PACRG: variants seen among roughly 807,000 people sequenced by gnomAD.
PACRG encodes parkin coregulated gene protein.
PACRG carries 29 observed loss-of-function variants against 29.7 expected under a neutral mutation model. The observed-to-expected ratio is 0.98, with a 90% CI of 0.73 to 1.33. PACRG has a LOEUF of 1.33. Ranked by LOEUF, PACRG falls within the 40% of genes most tolerant of loss-of-function variation. The pLI is 0.00. For synonymous variants in PACRG, 116 were observed against 118.7 expected, an observed-to-expected ratio of 0.98 and a Z score of 0.15; for missense variants, 279 against 316.2, an observed-to-expected ratio of 0.88 and a Z score of 0.89.
At chr6:162,740,090 TTGTC>T (rs1562548316) in intron 1 of PACRG, among the ~76,000 whole-genome samples, 1 of 152,160 alleles carries the variant, frequency 6.6e-6, no homozygotes, top group East Asian at 1.9e-4. Context: ...ATTAGTCTCT[TTGTC>T]TGTCTCTGAA....
chr6:163,046,925 G>A (rs1490318591), intron 2 of PACRG, among the ~76,000 whole-genome samples: 1 of 152,172 alleles, frequency 6.6e-6, no homozygotes, highest in South Asian at 2.1e-4. Flanking sequence ...TAGCAAAATT[G>A]TATGCTGATG....
At chr6:162,749,208 A>T (rs1364025464) in intron 1 of PACRG, among the ~76,000 whole-genome samples, 3 of 152,200 alleles carry the variant, frequency 2.0e-5, no homozygotes, top group Non-Finnish European at 4.4e-5. Context: ...GATTGTTAAA[A>T]ACAAGTACAT....
chr6:162,906,178 A>T (rs903998968), intron 2 of PACRG, among the ~76,000 whole-genome samples: 2 of 152,232 alleles, frequency 1.3e-5, no homozygotes, highest in African/African-American at 4.8e-5. Flanking sequence ...TGTTCCAAAA[A>T]AAGGAATTAA....
intron 2 of PACRG, among the ~76,000 whole-genome samples, chr6:162,874,858 C>T (rs1286088234): frequency 6.6e-6 from 1 of 151,956 alleles, no homozygotes; most frequent in Non-Finnish European, 1.5e-5. Context: ...ATCATTCACA[C>T]AGATTCTCAC....
intron 4 of PACRG, chr6:163,312,632 A>AG (rs928611677): frequency 1.9e-5 from 5 of 261,290 alleles, no homozygotes; most frequent in African/African-American, 1.2e-4. Context: ...GTGGACTTCA[A>AG]ATGCATATCC....
At chr6:162,827,880 G>A (rs992823713) in intron 2 of PACRG, among the ~76,000 whole-genome samples, 4 of 151,954 alleles carry the variant, frequency 2.6e-5, no homozygotes, top group Non-Finnish European at 5.9e-5. Context: ...TCCCAGGCCA[G>A]ATTGAGTACC....
chr6:163,250,366 G>T (rs1383919984), intron 4 of PACRG, among the ~76,000 whole-genome samples: 1 of 152,242 alleles, frequency 6.6e-6, no homozygotes, highest in African/African-American at 2.4e-5. Context: ...TTTGTTAGCA[G>T]CTGAAATGCT....
chr6:162,947,123 G>A (rs907442667), intron 2 of PACRG, among the ~76,000 whole-genome samples: 1 of 151,246 alleles, frequency 6.6e-6, no homozygotes, highest in African/African-American at 2.4e-5. Context: ...TAGCCAGATC[G>A]TCAGGCAAGA....
intron 4 of PACRG, among the ~76,000 whole-genome samples, chr6:163,135,242 A>G (rs567934257): frequency 4.0e-4 from 60 of 150,910 alleles, no homozygotes; most frequent in African/African-American, 1.4e-3. Flanking sequence ...GGGCTGGAGT[A>G]CAGTGGCACA....
chr6:163,239,830 A>G (rs1782401851), intron 4 of PACRG, among the ~76,000 whole-genome samples: 1 of 104,794 alleles, frequency 9.5e-6, no homozygotes, highest in Admixed American at 8.4e-5. Context: ...CTACTTCTAC[A>G]CACACTCACA....
chr6:163,205,961 G>A (rs1780885554), intron 4 of PACRG, among the ~76,000 whole-genome samples: 1 of 152,118 alleles, frequency 6.6e-6, no homozygotes. Flanking sequence ...GTGAAAAAAT[G>A]CTTCACATCA....
chr6:163,180,147 GC>G (rs1372230007), intron 4 of PACRG, among the ~76,000 whole-genome samples: 1 of 152,194 alleles, frequency 6.6e-6, no homozygotes, highest in Non-Finnish European at 1.5e-5. Context: ...TGCTGTGGCT[GC>G]TGACCAGCAT....
chr6:163,137,982 C>T (rs78123985), intron 4 of PACRG, among the ~76,000 whole-genome samples: 1 of 152,196 alleles, frequency 6.6e-6, no homozygotes, highest in Admixed American at 6.5e-5. Context: ...CTCAGCCTTC[C>T]GAGTCTCCTC....
chr6:162,796,453 T>A (rs1005016162), intron 1 of PACRG, among the ~76,000 whole-genome samples: 4 of 152,182 alleles, frequency 2.6e-5, no homozygotes, highest in African/African-American at 9.6e-5. Context: ...TGAAAGAGTA[T>A]GTACACTGTT....
At chr6:162,765,808 T>G (rs1013346493) in intron 1 of PACRG, among the ~76,000 whole-genome samples, 3 of 152,200 alleles carry the variant, frequency 2.0e-5, no homozygotes, top group East Asian at 1.9e-4. Flanking sequence ...GGAGCATTTT[T>G]GGGCATTTCT....
At chr6:162,858,925 C>T (rs1305835054) in intron 2 of PACRG, among the ~76,000 whole-genome samples, 5 of 152,170 alleles carry the variant, frequency 3.3e-5, no homozygotes, top group African/African-American at 1.2e-4. Flanking sequence ...TCCATGCCTA[C>T]TTCAGGAGAC....
chr6:162,873,977 C>T (rs1217459338), intron 2 of PACRG, among the ~76,000 whole-genome samples: 8 of 151,968 alleles, frequency 5.3e-5, no homozygotes, highest in Admixed American at 2.0e-4. Context: ...GATTTTATTG[C>T]TTACAAGTGA....
chr6:163,126,278 A>G (rs1816511296), intron 4 of PACRG, among the ~76,000 whole-genome samples: 1 of 152,240 alleles, frequency 6.6e-6, no homozygotes, highest in South Asian at 2.1e-4. Flanking sequence ...GAATTGTCTC[A>G]TTAACCTCTG....
intron 1 of PACRG, among the ~76,000 whole-genome samples, chr6:162,767,721 T>C (rs184687583): frequency 6.6e-6 from 1 of 152,060 alleles, no homozygotes; most frequent in East Asian, 1.9e-4. Flanking sequence ...TATGACTATT[T>C]TTAAAAATTA....
Sources: allele counts gnomAD v4.1 joint callset (sites outside exome capture counted in the v4.1 genomes callset), GRCh38; gene constraint gnomAD v4.1.1; transcripts MANE v1.5; gene names NCBI Gene and HGNC (gene_info 2026-07-23, HGNC 2026-07-21).